Variants in AFG2A observed in about 807,000 individuals in gnomAD.
The protein encoded by AFG2A is AAA ATPase AFG2A.
At chr4:123,232,597 G>C in the AFG2A span, among the ~76,000 whole-genome samples, 1 of 152,056 alleles carries the variant, frequency 6.6e-6, no homozygotes, top group Non-Finnish European at 1.5e-5. Flanking sequence ...ACCAGAGACA[G>C]AGCTTAAACA....
chr4:123,310,055 A>G, the AFG2A span, among the ~76,000 whole-genome samples: 1 of 152,220 alleles, frequency 6.6e-6, no homozygotes, highest in Non-Finnish European at 1.5e-5. Context: ...CTAAGAATAC[A>G]TCTGTTTCCA....
the AFG2A span, chr4:123,313,882 T>C: frequency 1.3e-6 from 2 of 1,544,582 alleles, no homozygotes; most frequent in Non-Finnish European, 1.7e-6. Context: ...TTTTTTAAAA[T>C]TTCAGATTGT....
chr4:122,944,420 G>C, the AFG2A span, among the ~76,000 whole-genome samples: 1 of 152,052 alleles, frequency 6.6e-6, no homozygotes, highest in South Asian at 2.1e-4. Flanking sequence ...TCTTCCAGTT[G>C]ATCGCATCGG....
At chr4:123,090,567 T>G in the AFG2A span, 1 of 1,613,412 alleles carries the variant, frequency 6.2e-7, no homozygotes, top group Non-Finnish European at 8.5e-7. Flanking sequence ...TAAACCGTAC[T>G]TTCAAAATCA....
the AFG2A span, among the ~76,000 whole-genome samples, chr4:122,938,828 C>G: frequency 6.6e-6 from 1 of 151,912 alleles, no homozygotes; most frequent in African/African-American, 2.4e-5. Flanking sequence ...AACTCCTTAC[C>G]TTGTCATCTA....
chr4:123,238,639 C>G, the AFG2A span, among the ~76,000 whole-genome samples: 1 of 152,208 alleles, frequency 6.6e-6, no homozygotes, highest in South Asian at 2.1e-4. Context: ...ATAGCATCAA[C>G]ATCAACAGAA....
At chr4:123,224,321 A>C in the AFG2A span, among the ~76,000 whole-genome samples, 1 of 152,000 alleles carries the variant, frequency 6.6e-6, no homozygotes, top group South Asian at 2.1e-4. Context: ...TTAACTCGTC[A>C]TTTAATTTAG....
At chr4:123,047,765 T>G in the AFG2A span, among the ~76,000 whole-genome samples, 3 of 151,820 alleles carry the variant, frequency 2.0e-5, no homozygotes, top group Non-Finnish European at 4.4e-5. Flanking sequence ...TGCAGTGGTG[T>G]GATCTTAGCT....
At chr4:123,313,786 G>T in the AFG2A span, 1 of 1,126,958 alleles carries the variant, frequency 8.9e-7, no homozygotes, top group Non-Finnish European at 1.2e-6. Flanking sequence ...TGGGCATTTA[G>T]TTGTAGAAGG....
At chr4:123,293,235 G>T in the AFG2A span, among the ~76,000 whole-genome samples, 61 of 152,288 alleles carry the variant, frequency 4.0e-4, no homozygotes, top group South Asian at 8.3e-4. Flanking sequence ...ATAGGCAAAG[G>T]GTAGAAGTCC....
At chr4:123,057,487 A>G in the AFG2A span, among the ~76,000 whole-genome samples, 1 of 152,092 alleles carries the variant, frequency 6.6e-6, no homozygotes, top group East Asian at 1.9e-4. Context: ...ACTTTTATCT[A>G]TATTGGATAA....
chr4:122,969,817 G>A, the AFG2A span, among the ~76,000 whole-genome samples: 7 of 152,092 alleles, frequency 4.6e-5, no homozygotes, highest in African/African-American at 1.7e-4. Flanking sequence ...TTATTCTTAG[G>A]TACTTTGGTT....
the AFG2A span, among the ~76,000 whole-genome samples, chr4:123,146,163 G>A: frequency 6.6e-6 from 1 of 152,146 alleles, no homozygotes; most frequent in Non-Finnish European, 1.5e-5. Flanking sequence ...TAAATATGAG[G>A]GAGAAGTAAG....
the AFG2A span, among the ~76,000 whole-genome samples, chr4:123,006,898 A>AT: frequency 0.6 from 67,684 of 112,326 alleles, 16,860 homozygotes; most frequent in South Asian, 0.68. Context: ...CATGCTTGTT[A>AT]TTTTTTTTTT....
chr4:123,002,192 G>T, the AFG2A span, among the ~76,000 whole-genome samples: 1 of 151,944 alleles, frequency 6.6e-6, no homozygotes, highest in Non-Finnish European at 1.5e-5. Context: ...TTGAGCCTGT[G>T]TGTGTCTCTG....
At chr4:123,185,564 C>T in the AFG2A span, among the ~76,000 whole-genome samples, 1 of 152,128 alleles carries the variant, frequency 6.6e-6, no homozygotes, top group Non-Finnish European at 1.5e-5. Context: ...GGTCTGATTT[C>T]AAATTTCATT....
the AFG2A span, chr4:123,313,873 T>A: frequency 6.5e-7 from 1 of 1,540,492 alleles, no homozygotes; most frequent in Non-Finnish European, 8.7e-7. Context: ...ATTTACTTAT[T>A]TTTTAAAATT....
chr4:123,228,712 C>A, the AFG2A span, among the ~76,000 whole-genome samples: 1 of 151,920 alleles, frequency 6.6e-6, no homozygotes. Context: ...CTAAGAGAAG[C>A]CAAGGGACTT....
At chr4:122,960,736 A>T in the AFG2A span, among the ~76,000 whole-genome samples, 10 of 152,216 alleles carry the variant, frequency 6.6e-5, no homozygotes, top group African/African-American at 2.4e-4. Flanking sequence ...ACTTTTTCTG[A>T]GATGGAAAAT....
Sources: allele counts gnomAD v4.1 joint callset (sites outside exome capture counted in the v4.1 genomes callset), GRCh38; gene constraint gnomAD v4.1.1; transcripts MANE v1.5; gene names NCBI Gene and HGNC (gene_info 2026-07-23, HGNC 2026-07-21).